Variants in NELL2 observed in about 807,000 individuals in gnomAD.
NELL2 encodes the protein neural EGFL like 2, also known as protein kinase C-binding protein NELL2.
A neutral mutation model predicts 109.6 loss-of-function variants in NELL2; 41 were observed. The ratio of observed to expected loss-of-function variants is 0.37; its 90% CI spans 0.29 to 0.49. The LOEUF (loss-of-function observed/expected upper bound fraction) is 0.49. Ranked by LOEUF, NELL2 falls within the 20% of genes least tolerant of loss-of-function variation. The probability of loss-of-function intolerance (pLI) is 0.98; values close to 1 mark genes in which losing one functional copy is unlikely to be tolerated. For missense variants in NELL2, 900 were observed against 1,008.3 expected, an observed-to-expected ratio of 0.89 and a Z score of 1.45; for synonymous variants, 355 against 344.7, an observed-to-expected ratio of 1.03 and a Z score of -0.33.
chr12:44,855,312 T>C (rs1944651644), intron 2 of NELL2, among the ~76,000 whole-genome samples: 1 of 152,188 alleles, frequency 6.6e-6, no homozygotes, highest in African/African-American at 2.4e-5. Flanking sequence ...TTAGATTCAC[T>C]AAGTTTAGGA....
intron 2 of NELL2, among the ~76,000 whole-genome samples, chr12:44,827,004 G>T (rs561965307): frequency 1.9e-4 from 29 of 152,220 alleles, no homozygotes; most frequent in Admixed American, 5.2e-4. Flanking sequence ...CTGTCATCTA[G>T]ATACTGCAAC....
chr12:44,842,082 C>T lies in NELL2; in HGVS notation c.185-25946G>A, dbSNP rs1385356736. ...AAGGAAAGAAGAAAGCAAGTAAGGA[C>T]GGAAGGGAGGGAGGGAGGGAGGGAG... On this transcript the variant is annotated intron_variant, in intron 2 of 19. Coordinates refer to ENST00000429094, the MANE Select transcript of NELL2 (RefSeq NM_001145108.2). Among the ~76,000 whole-genome samples, 8 of 29,364 alleles carry T rather than the reference C, an allele frequency of 2.7e-4. No individual in the cohort carries two copies. In the South Asian group the frequency reaches 6.4e-3, roughly 24 times the overall value. 19.3% of individuals were successfully genotyped at this position (29,364 alleles called of 152,430 possible).
intron 3 of NELL2, among the ~76,000 whole-genome samples, chr12:44,788,761 A>G (rs746704486): frequency 2.8e-4 from 43 of 152,154 alleles, no homozygotes; most frequent in Non-Finnish European, 4.7e-4. Context: ...GGTAGCCTGG[A>G]GCAAGTTCTT....
At chr12:44,819,460 CTGCGCTATTAGTGT>C (rs1156595253) in intron 2 of NELL2, among the ~76,000 whole-genome samples, 1 of 152,174 alleles carries the variant, frequency 6.6e-6, no homozygotes, top group Non-Finnish European at 1.5e-5. Flanking sequence ...AATAGTGATA[CTGCGCTATTAGTGT>C]TTGCACTACT....
intron 13 of NELL2, among the ~76,000 whole-genome samples, chr12:44,632,413 A>G (rs1278132842): frequency 6.6e-6 from 1 of 152,160 alleles, no homozygotes; most frequent in African/African-American, 2.4e-5. Flanking sequence ...CAAAACAAGC[A>G]GACCTGGGCA....
chr12:44,786,085 A>T (rs1942157032), intron 3 of NELL2, among the ~76,000 whole-genome samples: 1 of 152,210 alleles, frequency 6.6e-6, no homozygotes, highest in African/African-American at 2.4e-5. Context: ...ATCAGAGTGA[A>T]TAGGCAACCT....
intron 1 of NELL2, among the ~76,000 whole-genome samples, chr12:44,905,620 G>A (rs916691347): frequency 1.3e-5 from 2 of 151,932 alleles, no homozygotes; most frequent in African/African-American, 2.4e-5. Flanking sequence ...AAGCACTGAG[G>A]GATCCTTAAT....
intron 3 of NELL2, among the ~76,000 whole-genome samples, chr12:44,796,117 GATT>G (rs1184728003): frequency 1.3e-5 from 2 of 151,954 alleles, no homozygotes; most frequent in Non-Finnish European, 2.9e-5. Flanking sequence ...GTAAATTTCT[GATT>G]ATTTTAACAA....
intron 3 of NELL2, among the ~76,000 whole-genome samples, chr12:44,814,941 T>C (rs187706843): frequency 1.2e-4 from 19 of 152,318 alleles, no homozygotes; most frequent in African/African-American, 3.8e-4. Flanking sequence ...AGGTAAAGCA[T>C]TTTATATGTA....
At chr12:44,548,543 T>TA (rs10718866) in intron 15 of NELL2, among the ~76,000 whole-genome samples, 32 of 139,264 alleles carry the variant, frequency 2.3e-4, no homozygotes, top group Non-Finnish European at 3.7e-4. Context: ...AGACTCCGTC[T>TA]AAAAAAAAAA....
chr12:44,648,540 A>G (rs2136312203), intron 13 of NELL2, among the ~76,000 whole-genome samples: 1 of 152,082 alleles, frequency 6.6e-6, no homozygotes, highest in South Asian at 2.1e-4. Context: ...CGAAGTTTCT[A>G]GAGAGGGAAA....
At chr12:44,704,048 T>C (rs1937712551) in intron 11 of NELL2, among the ~76,000 whole-genome samples, 194 bp from the exon 12 acceptor site, 1 of 152,176 alleles carries the variant, frequency 6.6e-6, no homozygotes, top group Non-Finnish European at 1.5e-5. Context: ...ACTCAATTAA[T>C]TTCGATTTCA....
chr12:44,775,786 G>A (rs1941734638), intron 8 of NELL2, among the ~76,000 whole-genome samples: 1 of 152,186 alleles, frequency 6.6e-6, no homozygotes, highest in Non-Finnish European at 1.5e-5. Context: ...AACTTCATGT[G>A]TGTACCAATA....
At chr12:44,598,679 G>C (rs1005584266) in intron 15 of NELL2, among the ~76,000 whole-genome samples, 2 of 151,900 alleles carry the variant, frequency 1.3e-5, no homozygotes, top group African/African-American at 4.8e-5. Context: ...ACTTATAACT[G>C]ACCTCATTGA....
chr12:44,682,901 G>A (rs897634762), intron 12 of NELL2, among the ~76,000 whole-genome samples: 4 of 152,144 alleles, frequency 2.6e-5, no homozygotes, highest in African/African-American at 9.7e-5. Flanking sequence ...TGGCAATGCA[G>A]GCTCTTTTTT....
chr12:44,784,896 C>A (rs943436066), intron 3 of NELL2, among the ~76,000 whole-genome samples: 17 of 152,096 alleles, frequency 1.1e-4, no homozygotes, highest in African/African-American at 3.9e-4. Flanking sequence ...ATAATAAGAA[C>A]TATTTATGAC....
At chr12:44,695,223 C>T (rs1363171584) in intron 12 of NELL2, among the ~76,000 whole-genome samples, 4 of 145,574 alleles carry the variant, frequency 2.7e-5, no homozygotes, top group East Asian at 2.0e-4. Flanking sequence ...AGGTTGGTTA[C>T]ATGATTTCTC....
At chr12:44,595,767 G>A (rs1944938175) in intron 15 of NELL2, among the ~76,000 whole-genome samples, 1 of 151,912 alleles carries the variant, frequency 6.6e-6, no homozygotes, top group Non-Finnish European at 1.5e-5. Flanking sequence ...TAAGGCTTTT[G>A]ATTAACCTAA....
chr12:44,640,564 G>A (rs1250938658), intron 13 of NELL2, among the ~76,000 whole-genome samples: 1 of 152,026 alleles, frequency 6.6e-6, no homozygotes, highest in African/African-American at 2.4e-5. Context: ...ATTCTACATT[G>A]TGTAGATATC....
Sources: allele counts gnomAD v4.1 joint callset (sites outside exome capture counted in the v4.1 genomes callset), GRCh38; gene constraint gnomAD v4.1.1; transcripts MANE v1.5; gene names NCBI Gene and HGNC (gene_info 2026-07-23, HGNC 2026-07-21).